ADARB1: variants seen among roughly 807,000 people sequenced by gnomAD.
ADARB1 encodes adenosine deaminase RNA specific B1.
In ADARB1, 10 loss-of-function variants were observed where a neutral mutation model predicts 52.4. The observed-to-expected ratio is 0.19, with a 90% confidence interval of 0.12 to 0.32. The LOEUF is 0.32. Among genes scored for constraint, ADARB1 ranks in the 10% least tolerant of loss-of-function variants. The probability of loss-of-function intolerance (pLI) is 1.00; values close to 1 mark genes in which losing one functional copy is unlikely to be tolerated. For missense variants in ADARB1, 643 were observed against 922.3 expected, an observed-to-expected ratio of 0.70 and a Z score of 3.92; for synonymous variants, 349 against 371.1, an observed-to-expected ratio of 0.94 and a Z score of 0.68.
Position 45,223,563 on chromosome 21 carries a change from C to G in ADARB1, c.*1366C>G. The G allele has an allele frequency of 1.0e-6, 1 of 985,754 alleles. No individual in the cohort carries two copies. The highest frequency in any genetic ancestry group is 1.2e-6 in the Non-Finnish European group (1 of 830,194). The allele number at this position is 985,754 out of a possible 1,614,324, so 61.1% of individuals were successfully genotyped here. The stretch of plus-strand genomic sequence containing the variant: ...CAGTGCAGTGCCCAGCTCCAAGGCT[C>G]TAGAGGGTGTTCAGGTGGGTCTCCT... On this transcript the variant is annotated 3_prime_UTR_variant, in exon 11 of 11. Transcript: ENST00000348831.
intron 2 of ADARB1, among the ~76,000 whole-genome samples, chr21:45,136,755 G>C (rs185727685): frequency 6.6e-6 from 1 of 152,252 alleles, no homozygotes; most frequent in African/African-American, 2.4e-5. Context: ...TGGTGTGTGC[G>C]CTGCAGGGAG....
intron 1 of ADARB1, among the ~76,000 whole-genome samples, chr21:45,109,720 C>G (rs1024925575): frequency 3.3e-5 from 5 of 152,200 alleles, no homozygotes; most frequent in African/African-American, 1.2e-4. Flanking sequence ...TTGGTTGTTT[C>G]CAGGTTTACT....
intron 1 of ADARB1, among the ~76,000 whole-genome samples, chr21:45,115,425 G>C (rs2087772820): frequency 6.6e-6 from 1 of 152,226 alleles, no homozygotes; most frequent in Non-Finnish European, 1.5e-5. Flanking sequence ...TAGCCGGTCA[G>C]GGCGATGTCT....
At position 45,222,313 on chromosome 21, in the gene ADARB1, G is replaced by T; in HGVS notation, c.*116G>T. ...CCTTGGGGAGGGAGTAGGGGGACAC[G>T]GGGGACCACCAGGTGTCCACGGTTG... On this transcript the variant is annotated 3_prime_UTR_variant, in exon 11 of 11. Transcript: ENST00000348831. The T allele has an allele frequency of 7.1e-7, 1 of 1,407,204 alleles. No individual in the cohort carries two copies. The highest frequency in any genetic ancestry group is 9.2e-7 in the Non-Finnish European group (1 of 1,087,062). The allele number at this position is 1,407,204 out of a possible 1,614,324, so 87.2% of individuals were successfully genotyped here.
chr21:45,141,527 T>G (rs2089721364), intron 2 of ADARB1, among the ~76,000 whole-genome samples: 1 of 151,998 alleles, frequency 6.6e-6, no homozygotes, highest in Non-Finnish European at 1.5e-5. Flanking sequence ...TCCCAGAGTC[T>G]GTAAATGGGG....
chr21:45,141,816 C>A (rs1240845369), intron 2 of ADARB1, among the ~76,000 whole-genome samples: 2 of 151,742 alleles, frequency 1.3e-5, no homozygotes, highest in African/African-American at 2.4e-5. Flanking sequence ...TTAACTACCA[C>A]AGGATCACCT....
chr21:45,128,200 A>G lies in ADARB1; in HGVS notation c.-219-202A>G, dbSNP rs2088713943. On this transcript the variant is annotated intron_variant, in intron 1 of 10. Coordinates refer to ENST00000348831, the MANE Select transcript of ADARB1 (RefSeq NM_001112.4). This position sits in a 1 kb window ranked among gnomAD's most constrained non-coding sequence, Gnocchi z 4.6. ...TGTCACAGGTGCCTCTACCTGCTGC[A>G]GGCAGACGGACGGAGACGTGATGGA... Among the ~76,000 whole-genome samples the G allele has an allele frequency of 6.6e-6, 1 of 152,252 alleles. No homozygotes were observed. The highest frequency in any genetic ancestry group is 6.5e-5 in the Admixed American group (1 of 15,286).
intron 1 of ADARB1, among the ~76,000 whole-genome samples, chr21:45,112,152 CT>C (rs2087569863): frequency 6.6e-6 from 1 of 152,216 alleles, no homozygotes; most frequent in African/African-American, 2.4e-5. Flanking sequence ...AAGTGCCCAG[CT>C]ACAGCCTCTG....
intron 2 of ADARB1, among the ~76,000 whole-genome samples, chr21:45,165,335 C>T (rs933478999): frequency 1.3e-5 from 2 of 152,210 alleles, no homozygotes; most frequent in African/African-American, 4.8e-5. Flanking sequence ...TTCCTATTCT[C>T]ATCAATATTT....
At chr21:45,212,835 A>G (rs981315006) in intron 9 of ADARB1, among the ~76,000 whole-genome samples, 1 of 152,230 alleles carries the variant, frequency 6.6e-6, no homozygotes, top group African/African-American at 2.4e-5. Flanking sequence ...TATATGAGAA[A>G]ACAGAACAAC....
Position 45,219,762 on chromosome 21 carries a change from G to A in ADARB1, c.1748-1074G>A, listed in dbSNP as rs182206745. Among the ~76,000 whole-genome samples the A allele has an allele frequency of 2.1e-3, 325 of 152,258 alleles. 4 individuals are homozygous for A. The highest frequency in any genetic ancestry group is 2.1e-3 in the Non-Finnish European group (145 of 68,022). ...TGTTTGATGAGAGGAATAAATAGGC[G>A]CTTTGTCATGGTGAAGGTCTCTGGC... On this transcript the variant is annotated intron_variant, in intron 9 of 10. Transcript: ENST00000348831.
chr21:45,127,210 G>A (rs1027156513), intron 1 of ADARB1, among the ~76,000 whole-genome samples: 4 of 152,162 alleles, frequency 2.6e-5, no homozygotes, highest in African/African-American at 4.8e-5. Context: ...AGAGGCCAAC[G>A]TCCTTGCACT....
chr21:45,086,417 C>G (rs531382214), intron 1 of ADARB1, among the ~76,000 whole-genome samples: 1 of 152,322 alleles, frequency 6.6e-6, no homozygotes, highest in African/African-American at 2.4e-5. Context: ...CTGAGTTGTG[C>G]AGACATCACC....
At chr21:45,165,779 TGTATA>T (rs1555906011) in intron 2 of ADARB1, among the ~76,000 whole-genome samples, 1 of 152,164 alleles carries the variant, frequency 6.6e-6, no homozygotes, top group Non-Finnish European at 1.5e-5. Flanking sequence ...TGCTGCTTGA[TGTATA>T]GTAAAGAATG....
chr21:45,077,972 C>A (rs1389991644), intron 1 of ADARB1, among the ~76,000 whole-genome samples: 1 of 152,182 alleles, frequency 6.6e-6, no homozygotes, highest in African/African-American at 2.4e-5. Flanking sequence ...GCAGGGCTTA[C>A]CGCACCTTCC....
rs1569187485 is a variant in ADARB1, at chr21:45,220,686, C to T, written c.1748-150C>T. Reference sequence around the variant, plus strand: ...TGAGGCCACTGCCACGGCAGATGCACGCTCAAGTCTGCGTATATTCCTCGG... The same window carrying T: ...TGAGGCCACTGCCACGGCAGATGCATGCTCAAGTCTGCGTATATTCCTCGG... On this transcript the variant is annotated intron_variant, in intron 9 of 10. Transcript: ENST00000348831. This position sits in a 1 kb window ranked among gnomAD's most constrained non-coding sequence, Gnocchi z 6.3. The T allele has an allele frequency of 5.0e-6, 4 of 792,774 alleles. No homozygotes were observed. Among genetic ancestry groups the T allele is most frequent in the South Asian group, 1.7e-5 (1 of 57,782 alleles). 49.1% of individuals were successfully genotyped at this position (792,774 alleles called of 1,614,324 possible). A position where few individuals can be genotyped will look rare whatever the true frequency, so the allele number is the denominator to read the frequency against.
chr21:45,079,254 A>G (rs984811320), intron 1 of ADARB1, among the ~76,000 whole-genome samples: 1 of 152,230 alleles, frequency 6.6e-6, no homozygotes, highest in East Asian at 1.9e-4. Context: ...TTGTGACACA[A>G]TGCTTTCTTG....
chr21:45,160,466 C>G (rs1402356961), intron 2 of ADARB1, among the ~76,000 whole-genome samples: 1 of 152,274 alleles, frequency 6.6e-6, no homozygotes, highest in East Asian at 1.9e-4. Context: ...ACCATGCTCT[C>G]TGATTCAGCT....
chr21:45,174,908 G>A (rs917917949), intron 3 of ADARB1, among the ~76,000 whole-genome samples: 10 of 152,090 alleles, frequency 6.6e-5, no homozygotes, highest in Non-Finnish European at 1.5e-5. Flanking sequence ...ACCAGAAAGT[G>A]TATTTATGAA....
Sources: gnomAD v4.1 joint callset for allele counts (sites outside exome capture counted in the v4.1 genomes callset) on GRCh38, gnomAD v4.1.1 for gene constraint, Gnocchi (gnomAD v3.1) non-coding constraint, MANE v1.5 for transcripts, NCBI Gene and HGNC (gene_info 2026-07-23, HGNC 2026-07-21) for gene names.